Variants in CTNNA3 observed in about 807,000 individuals in gnomAD.
CTNNA3 encodes the protein catenin alpha-3.
CTNNA3 carries 76 observed loss-of-function variants against 95.7 expected under a neutral mutation model. The ratio of observed to expected loss-of-function variants is 0.79; its 90% CI spans 0.66 to 0.96. The LOEUF (loss-of-function observed/expected upper bound fraction) is 0.96, where lower values mean the gene tolerates loss of function less well. CTNNA3 is among the 40% of genes least tolerant of loss of function. The pLI, the probability that CTNNA3 is intolerant of heterozygous loss-of-function variation, is 0.00. For synonymous variants in CTNNA3, 431 were observed against 374.4 expected, an observed-to-expected ratio of 1.15 and a Z score of -1.74; for missense variants, 1,191 against 1,089.8, an observed-to-expected ratio of 1.09 and a Z score of -1.31.
intron 9 of CTNNA3, among the ~76,000 whole-genome samples, chr10:66,705,769 T>C (rs1848097007): frequency 6.6e-6 from 1 of 152,106 alleles, no homozygotes; most frequent in Non-Finnish European, 1.5e-5. Flanking sequence ...GAATACTGGT[T>C]GTACTAAATG....
chr10:66,251,534 GA>G (rs2090552808), intron 13 of CTNNA3, among the ~76,000 whole-genome samples: 1 of 152,080 alleles, frequency 6.6e-6, no homozygotes, highest in Non-Finnish European at 1.5e-5. Context: ...AATTATAGTA[GA>G]GTAAAATCCA....
At chr10:67,391,132 G>A (rs1042169533) in intron 5 of CTNNA3, among the ~76,000 whole-genome samples, 68 of 151,894 alleles carry the variant, frequency 4.5e-4, no homozygotes, top group African/African-American at 1.4e-3. Context: ...GTTTGCAGAC[G>A]ACATGATTGT....
chr10:66,083,512 T>C (rs1297622288), intron 14 of CTNNA3, among the ~76,000 whole-genome samples: 1 of 152,144 alleles, frequency 6.6e-6, no homozygotes, highest in Non-Finnish European at 1.5e-5. Flanking sequence ...AAAAATAAAA[T>C]TTCTCTTAAC....
At position 66,759,586 on chromosome 10, in the gene CTNNA3, A is replaced by G. The variant is rs964499001; in HGVS notation, c.1281+6678T>C. ...CAGTATGTCCAGGGTCCAGCACAGTATATGGTCACAATAGGCTTTAAAGAC... is the reference window on the plus strand; with the variant it reads ...CAGTATGTCCAGGGTCCAGCACAGTGTATGGTCACAATAGGCTTTAAAGAC... On this transcript the variant is annotated intron_variant, in intron 9 of 17. Coordinates refer to ENST00000433211, the MANE Select transcript of CTNNA3 (RefSeq NM_013266.4). 2.0e-5 allele frequency among the ~76,000 whole-genome samples: 3 copies of G among 152,202 alleles called. No homozygotes were observed. In the South Asian group the frequency reaches 6.2e-4, roughly 31 times the overall value.
intron 12 of CTNNA3, among the ~76,000 whole-genome samples, chr10:66,290,651 G>A (rs1220668231): frequency 3.3e-5 from 5 of 151,970 alleles, no homozygotes; most frequent in South Asian, 2.1e-4. Flanking sequence ...TCAGATTATC[G>A]TCTGCAGAGA....
At chr10:66,159,331 C>G (rs1464291207) in intron 13 of CTNNA3, among the ~76,000 whole-genome samples, 1 of 151,858 alleles carries the variant, frequency 6.6e-6, no homozygotes, top group African/African-American at 2.4e-5. Flanking sequence ...AGGTATGACC[C>G]TTGTATGCCA....
intron 10 of CTNNA3, among the ~76,000 whole-genome samples, chr10:66,603,762 CA>C (rs1235590835): frequency 6.6e-6 from 1 of 152,008 alleles, no homozygotes; most frequent in African/African-American, 2.4e-5. Flanking sequence ...ATAGAGAATA[CA>C]GAAATAAACC....
Position 66,313,279 on chromosome 10 carries a change from TG to T in CTNNA3, c.1733-32659del, listed in dbSNP as rs2092049490. ...ATAGATAGCTAGTAAGTGATCAGTC[TG>T]GATGATTCTTTTGCCTAAGATTTGC... On this transcript the variant is annotated intron_variant, in intron 12 of 17. Coordinates refer to ENST00000433211, the MANE Select transcript of CTNNA3 (RefSeq NM_013266.4). Among the ~76,000 whole-genome samples, 3 of 152,354 alleles carry T rather than the reference TG, an allele frequency of 2.0e-5. No homozygotes were observed. In the South Asian group the frequency reaches 6.2e-4, roughly 32 times the overall value.
chr10:67,731,377 G>A (rs1386854830), intron 1 of CTNNA3, among the ~76,000 whole-genome samples: 1 of 151,958 alleles, frequency 6.6e-6, no homozygotes, highest in Non-Finnish European at 1.5e-5. Flanking sequence ...AATTAGCCAG[G>A]GGCTGAGGCA....
At chr10:66,733,651 A>G (rs1413083362) in intron 9 of CTNNA3, among the ~76,000 whole-genome samples, 1 of 151,818 alleles carries the variant, frequency 6.6e-6, no homozygotes, top group Non-Finnish European at 1.5e-5. Flanking sequence ...TCAGGTATAT[A>G]CATAATCCAC....
At chr10:66,174,466 G>A (rs369149110) in intron 13 of CTNNA3, among the ~76,000 whole-genome samples, 3 of 152,100 alleles carry the variant, frequency 2.0e-5, no homozygotes, top group East Asian at 3.9e-4. Context: ...CTAGTACATA[G>A]TAGGCATTCA....
At chr10:66,436,003 C>T (rs2093334743) in intron 11 of CTNNA3, among the ~76,000 whole-genome samples, 1 of 152,138 alleles carries the variant, frequency 6.6e-6, no homozygotes, top group Non-Finnish European at 1.5e-5. Context: ...GTTTCTTAAT[C>T]CTGAGTTCTA....
At chr10:67,115,325 T>C (rs1859120968) in intron 7 of CTNNA3, among the ~76,000 whole-genome samples, 1 of 149,006 alleles carries the variant, frequency 6.7e-6, no homozygotes, top group Non-Finnish European at 1.5e-5. Context: ...AGTAACAGAT[T>C]TGGGGACTGT....
At chr10:66,093,414 G>C (rs1589381312) in intron 14 of CTNNA3, among the ~76,000 whole-genome samples, 1 of 151,988 alleles carries the variant, frequency 6.6e-6, no homozygotes, top group South Asian at 2.1e-4. Flanking sequence ...AGGGGCTAAA[G>C]TATAAAGAAA....
At chr10:67,738,089 AC>A (rs780787181) in intron 1 of CTNNA3, among the ~76,000 whole-genome samples, 7 of 151,944 alleles carry the variant, frequency 4.6e-5, no homozygotes, top group Non-Finnish European at 1.0e-4. Context: ...TCTGGAGTGG[AC>A]CCCCAGCAAA....
chr10:66,514,129 T>C (rs893705507), intron 11 of CTNNA3, among the ~76,000 whole-genome samples: 2 of 152,202 alleles, frequency 1.3e-5, no homozygotes, highest in Non-Finnish European at 2.9e-5. Context: ...AAAGTTATTT[T>C]TTCATAATTT....
chr10:67,569,255 C>A (rs186302836), intron 3 of CTNNA3, among the ~76,000 whole-genome samples: 1 of 152,192 alleles, frequency 6.6e-6, no homozygotes, highest in Non-Finnish European at 1.5e-5. Context: ...CAGTGTCAAC[C>A]ATTATGAGGT....
At chr10:67,559,325 G>A (rs567029194) in intron 3 of CTNNA3, among the ~76,000 whole-genome samples, 5 of 152,158 alleles carry the variant, frequency 3.3e-5, no homozygotes, top group Admixed American at 6.5e-5. Context: ...TAGCATTCAC[G>A]GTTCACGAAA....
chr10:66,073,961 C>T (rs141165010), intron 14 of CTNNA3, among the ~76,000 whole-genome samples: 4 of 152,022 alleles, frequency 2.6e-5, no homozygotes, highest in Non-Finnish European at 5.9e-5. Context: ...TATCAAGAAA[C>T]CTTAAAAAGA....
Sources: allele counts gnomAD v4.1 joint callset (sites outside exome capture counted in the v4.1 genomes callset), GRCh38; gene constraint gnomAD v4.1.1; transcripts MANE v1.5; gene names NCBI Gene and HGNC (gene_info 2026-07-23, HGNC 2026-07-21).